Variants in AADACL4 observed in about 807,000 individuals in gnomAD.
AADACL4 encodes arylacetamide deacetylase like 4.
Under a neutral mutation model 14.1 loss-of-function variants are expected in AADACL4, and 9 were observed. The observed-to-expected ratio is 0.64, with a 90% confidence interval of 0.39 to 1.12. The LOEUF (loss-of-function observed/expected upper bound fraction) is 1.12. Ranked by LOEUF, AADACL4 falls within the 50% of genes most tolerant of loss-of-function variation. AADACL4 has a pLI of 0.01. For synonymous variants in AADACL4, 188 were observed against 201.6 expected (o/e 0.93, Z 0.57); for missense variants, 531 against 516.1 (o/e 1.03, Z -0.28).
chr1:12,660,281 A>C (rs1235468260), intron 2 of AADACL4, among the ~76,000 whole-genome samples: 1 of 152,198 alleles, frequency 6.6e-6, no homozygotes, highest in Non-Finnish European at 1.5e-5. Context: ...TTTGTTCAAC[A>C]TACAATTTTT....
chr1:12,654,460 G>C (rs1647168880), intron 2 of AADACL4, among the ~76,000 whole-genome samples: 1 of 152,206 alleles, frequency 6.6e-6, no homozygotes, highest in African/African-American at 2.4e-5. Context: ...CATACTTGTG[G>C]GTCTACTTGA....
At position 12,665,992 on chromosome 1, in the gene AADACL4, GC is replaced by G; in HGVS notation, c.484del (p.Leu162PhefsTer6). 5.6e-6 allele frequency: 9 copies of G among 1,612,480 alleles called. No individual in the cohort carries two copies. Among genetic ancestry groups the G allele is most frequent in the Middle Eastern group, 1.7e-4 (1 of 6,060 alleles). On this transcript the variant is annotated frameshift_variant, in exon 4 of 4. Coordinates refer to ENST00000376221, the MANE Select transcript of AADACL4 (RefSeq NM_001013630.2). LOFTEE classifies it low-confidence loss of function (END_TRUNC). ...CAAGCTTCCTGACCACCATTCCCCT[GC>G]CCTTTTCCAAGACTGCATGAATGCC... ...YRKLPDHHSP[A>X]LFQDCMNASI...
At chr1:12,665,176 T>G (rs1647292677) in intron 3 of AADACL4, among the ~76,000 whole-genome samples, 1 of 152,098 alleles carries the variant, frequency 6.6e-6, no homozygotes. Flanking sequence ...TACAAGTGTG[T>G]GCCACCATGC....
At chr1:12,657,603 C>T (rs991417855) in intron 2 of AADACL4, among the ~76,000 whole-genome samples, 1 of 152,172 alleles carries the variant, frequency 6.6e-6, no homozygotes, top group Non-Finnish European at 1.5e-5. Flanking sequence ...TGCAGGCAGA[C>T]TCAAGAGAGA....
In AADACL4 at chr1:12,644,428, C is replaced by T; in HGVS notation, c.-119C>T. The T allele has an allele frequency of 1.7e-6, 2 of 1,192,552 alleles. No individual in the cohort carries two copies. The highest frequency in any genetic ancestry group is 1.6e-5 in the South Asian group (1 of 64,416). The allele number at this position is 1,192,552 out of a possible 1,614,324, so 73.9% of individuals were successfully genotyped here. A position where few individuals can be genotyped will look rare whatever the true frequency, so the allele number is the denominator to read the frequency against. ...TGTGTCAGGCCACTGTGTCAGGTGT[C>T]AGGCTTAGCCCAGAGAGAGTGAGGT... On this transcript the variant is annotated 5_prime_UTR_variant, in exon 1 of 4. Transcript: ENST00000376221.
In AADACL4 at chr1:12,666,380, T is replaced by A; in HGVS notation, c.869T>A (p.Ile290Asn). Residue 290 changes from isoleucine (I) to asparagine (N), a missense_variant, in exon 4 of 4, where the codon ATC (isoleucine) becomes AAC (asparagine). Transcript: ENST00000376221. Reference protein sequence around the residue: ...KYEKWLSPDNIPKKFKNRGYQ... With the variant: ...KYEKWLSPDNNPKKFKNRGYQ... Reference sequence around the variant, plus strand: ...GAGAAGTGGCTCAGCCCTGACAACATCCCCAAGAAATTTAAGAACAGAGGC... The same window carrying A: ...GAGAAGTGGCTCAGCCCTGACAACAACCCCAAGAAATTTAAGAACAGAGGC... The A allele has an allele frequency of 1.9e-6, 3 of 1,613,950 alleles. No individual in the cohort carries two copies. The highest frequency in any genetic ancestry group is 2.5e-6 in the Non-Finnish European group (3 of 1,180,006).
intron 2 of AADACL4, among the ~76,000 whole-genome samples, chr1:12,654,772 A>G (rs1647170752): frequency 6.6e-6 from 1 of 152,232 alleles, no homozygotes; most frequent in African/African-American, 2.4e-5. Context: ...AAAGGAAGAT[A>G]GAACAGTTTA....
chr1:12,651,778 T>C (rs972623723), intron 2 of AADACL4, among the ~76,000 whole-genome samples: 4 of 151,604 alleles, frequency 2.6e-5, no homozygotes, highest in Non-Finnish European at 4.4e-5. Flanking sequence ...CGGGTCTCCC[T>C]GATTCACCTC....
At chr1:12,665,219 G>C (rs752470439) in intron 3 of AADACL4, among the ~76,000 whole-genome samples, 1 of 151,728 alleles carries the variant, frequency 6.6e-6, no homozygotes, top group African/African-American at 2.4e-5. Context: ...TTAGATTTTT[G>C]ATTTTTTTTC....
chr1:12,659,172 G>A lies in AADACL4; in HGVS notation c.386-2619G>A, dbSNP rs146564640. On this transcript the variant is annotated intron_variant, in intron 2 of 3. Transcript: ENST00000376221. The stretch of plus-strand genomic sequence containing the variant: ...AGGATGTACTGCCACCTGGTGGTGG[G>A]AGTGACGAAGGACAGTCTCTAGCTG... Among the ~76,000 whole-genome samples the A allele has an allele frequency of 3.9e-5, 6 of 152,262 alleles. No homozygotes were observed. The East Asian group carries it at 9.6e-4, about 24-fold the overall frequency.
intron 2 of AADACL4, among the ~76,000 whole-genome samples, chr1:12,658,108 TTTCCTTCCTTCCTTCC>T (rs748632129): frequency 1.7e-4 from 21 of 122,010 alleles, no homozygotes; most frequent in Non-Finnish European, 2.6e-4. Flanking sequence ...TCTCTCTTTC[TTTCCTTCCTTCCTTCC>T]TTCCTTCCTT....
intron 3 of AADACL4, among the ~76,000 whole-genome samples, chr1:12,662,235 G>A (rs1472939437): frequency 6.6e-6 from 1 of 152,108 alleles, no homozygotes; most frequent in East Asian, 1.9e-4. Context: ...TTTTGCAAAG[G>A]TAAAAACGTT....
At chr1:12,658,106 T>TC (rs1396679529) in intron 2 of AADACL4, among the ~76,000 whole-genome samples, 1,372 of 101,518 alleles carry the variant, frequency 0.014, 44 homozygotes, top group African/African-American at 0.064. Flanking sequence ...TTTCTCTCTT[T>TC]CTTTCCTTCC....
In AADACL4 at chr1:12,644,670, A is replaced by G; in HGVS notation, c.124A>G (p.Lys42Glu). Reference sequence around the variant, plus strand: ...CCCTGCTACCTTGCAGCATCCTGCCAAGTTGAGATTCCTGCATTGCATATT... The same window carrying G: ...CCCTGCTACCTTGCAGCATCCTGCCGAGTTGAGATTCCTGCATTGCATATT... ...DIPATLQHPA[K>E]LRFLHCIFLY... The change falls in exon 1 of 4, where the codon AAG becomes GAG. Residue 42 changes from lysine to glutamate, a missense_variant. By Grantham distance (56) the Lys-to-Glu change is moderately conservative. Coordinates refer to ENST00000376221, the MANE Select transcript of AADACL4 (RefSeq NM_001013630.2). 6.2e-7 allele frequency: 1 copy of G among 1,614,106 alleles called. No homozygotes were observed. The highest frequency in any genetic ancestry group is 8.5e-7 in the Non-Finnish European group (1 of 1,179,986).
chr1:12,662,825 C>G (rs1481842575), intron 3 of AADACL4, among the ~76,000 whole-genome samples: 1 of 152,190 alleles, frequency 6.6e-6, no homozygotes, highest in African/African-American at 2.4e-5. Flanking sequence ...TTCTAGTATT[C>G]ATCAACATAC....
chr1:12,652,697 T>C (rs976210026), intron 2 of AADACL4, among the ~76,000 whole-genome samples: 4 of 152,148 alleles, frequency 2.6e-5, no homozygotes, highest in African/African-American at 9.7e-5. Context: ...TGGAAAAAGA[T>C]GATGTTTTCT....
At chr1:12,651,929 C>T (rs559493274) in intron 2 of AADACL4, among the ~76,000 whole-genome samples, 325 of 151,080 alleles carry the variant, frequency 2.2e-3, no homozygotes, top group Non-Finnish European at 2.0e-3. Context: ...CTCGGGTTCA[C>T]GCCATTCTCC....
At chr1:12,661,620 G>A (rs1391705471) in intron 2 of AADACL4, among the ~76,000 whole-genome samples, 171 bp from the exon 3 acceptor site, 3 of 152,180 alleles carry the variant, frequency 2.0e-5, no homozygotes, top group Admixed American at 6.5e-5. Flanking sequence ...GGGGACAGAT[G>A]TATGATTTGG....
rs1647196162 is a variant in AADACL4 at position 12,658,130 on chromosome 1, TCC to T, written c.386-3660_386-3659del. 1.0e-3 allele frequency among the ~76,000 whole-genome samples: 137 copies of T among 134,460 alleles called. 2 individuals carry two copies. Among genetic ancestry groups the T allele is most frequent in the African/African-American group, 3.8e-3 (108 of 28,558 alleles). The allele number at this position is 134,460 out of a possible 152,430, so 88.2% of individuals were successfully genotyped here. On this transcript the variant is annotated intron_variant, in intron 2 of 3. Coordinates refer to ENST00000376221, the MANE Select transcript of AADACL4 (RefSeq NM_001013630.2). ...TTCTTTCCTTCCTTCCTTCCTTCCT[TCC>T]TTCCTTCCTTTCTTTCTTTCTTTCT...
Sources: allele counts gnomAD v4.1 joint callset (sites outside exome capture counted in the v4.1 genomes callset), GRCh38; gene constraint gnomAD v4.1.1; transcripts MANE v1.5; gene names NCBI Gene and HGNC (gene_info 2026-07-23, HGNC 2026-07-21).